Variants in BIN3 observed in about 807,000 individuals in gnomAD.
The protein encoded by BIN3 is bridging integrator 3.
A neutral mutation model predicts 38.2 loss-of-function variants in BIN3; 41 were observed. The observed-to-expected ratio is 1.07, with a 90% CI of 0.84 to 1.39. The LOEUF (loss-of-function observed/expected upper bound fraction) is 1.39. Among genes scored for constraint, BIN3 ranks in the 40% most tolerant of loss-of-function variants. The probability of loss-of-function intolerance (pLI) is 0.00; values close to 1 mark genes in which losing one functional copy is unlikely to be tolerated. For synonymous variants in BIN3, 145 were observed against 122.6 expected (o/e 1.18, Z -1.21); for missense variants, 361 against 324.3 (o/e 1.11, Z -0.87).
At chr8:22,622,017 CCTT>C (rs760736363) in intron 8 of BIN3, among the ~76,000 whole-genome samples, 3 of 152,254 alleles carry the variant, frequency 2.0e-5, no homozygotes, top group Non-Finnish European at 4.4e-5. Context: ...GCCCGTCTAG[CCTT>C]CTGTTCCCTC....
At chr8:22,649,842 C>T (rs952701689) in intron 1 of BIN3, among the ~76,000 whole-genome samples, 30 of 135,020 alleles carry the variant, frequency 2.2e-4, no homozygotes, top group East Asian at 1.4e-3. Flanking sequence ...CACACACACA[C>T]ACACACACAC....
rs771483503 is a variant in BIN3 at position 22,624,050 on chromosome 8, C to T, written c.481-1G>A. The T allele has an allele frequency of 3.1e-6, 5 of 1,604,700 alleles. No homozygotes were observed. In the South Asian group the frequency reaches 5.5e-5, roughly 18 times the overall value. Reference sequence around the variant, plus strand: ...GCACAGGCCGCAGCTCCTCTCGTGCCTAGGGAACAAGACCTGGGTGTCAAA... The same window carrying T: ...GCACAGGCCGCAGCTCCTCTCGTGCTTAGGGAACAAGACCTGGGTGTCAAA... On this transcript the variant is annotated splice_acceptor_variant, in intron 7 of 8. Coordinates refer to ENST00000276416, the MANE Select transcript of BIN3 (RefSeq NM_018688.6). LOFTEE classifies it high-confidence loss of function.
chr8:22,638,207 G>A (rs1802433556), intron 2 of BIN3, among the ~76,000 whole-genome samples: 2 of 152,204 alleles, frequency 1.3e-5, no homozygotes, highest in African/African-American at 4.8e-5. Flanking sequence ...TTCCAGCAAC[G>A]CTGACCTGAT....
intron 1 of BIN3, chr8:22,645,038 C>T (rs1802672507): frequency 4.2e-6 from 2 of 478,906 alleles, no homozygotes; most frequent in Non-Finnish European, 7.7e-6. Flanking sequence ...TGCCCCAGAA[C>T]ATCTTTGCTA....
At chr8:22,653,865 C>T (rs1449348018) in intron 1 of BIN3, among the ~76,000 whole-genome samples, 1 of 151,182 alleles carries the variant, frequency 6.6e-6, no homozygotes, top group African/African-American at 2.4e-5. Context: ...CCTTTGTGTC[C>T]CCTGGTACAG....
In BIN3 at chr8:22,624,272, TCTC is replaced by T. The variant is rs1344256478; in HGVS notation, c.427_429del (p.Glu143del). Reference sequence around the variant, plus strand: ...CCCGTCTTCTCCTTTTCCTCATACTTCTCCACCTTGGCCTGCAGCCTCCTGTAG... The same window carrying T: ...CCCGTCTTCTCCTTTTCCTCATACTTCACCTTGGCCTGCAGCCTCCTGTAG... On this transcript the variant is annotated inframe_deletion, in exon 7 of 9. Coordinates refer to ENST00000276416, the MANE Select transcript of BIN3 (RefSeq NM_018688.6). The T allele has an allele frequency of 4.3e-6, 7 of 1,613,822 alleles. No homozygotes were observed. Among genetic ancestry groups the T allele is most frequent in the Non-Finnish European group, 5.9e-6 (7 of 1,179,848 alleles).
intron 8 of BIN3, among the ~76,000 whole-genome samples, chr8:22,622,390 T>C (rs998033256): frequency 1.3e-5 from 2 of 152,220 alleles, no homozygotes; most frequent in African/African-American, 2.4e-5. Flanking sequence ...GACCCACGGC[T>C]GATACTCCTG....
intron 2 of BIN3, among the ~76,000 whole-genome samples, chr8:22,642,419 A>C (rs1046155069): frequency 1.3e-5 from 2 of 152,172 alleles, no homozygotes; most frequent in African/African-American, 4.8e-5. Flanking sequence ...GTGGAGGGGT[A>C]TAGGCCAGGG....
At chr8:22,643,587 C>A (rs756052890) in intron 2 of BIN3, among the ~76,000 whole-genome samples, 1 of 152,214 alleles carries the variant, frequency 6.6e-6, no homozygotes, top group African/African-American at 2.4e-5. Flanking sequence ...GGATTACAGG[C>A]GTAAGCCACT....
intron 8 of BIN3, among the ~76,000 whole-genome samples, chr8:22,623,632 A>G (rs1801913703): frequency 6.6e-6 from 1 of 152,190 alleles, no homozygotes. Flanking sequence ...CTTATAGTGA[A>G]ATGTAGAGAG....
At chr8:22,642,019 T>A (rs1403571454) in intron 2 of BIN3, among the ~76,000 whole-genome samples, 1 of 152,226 alleles carries the variant, frequency 6.6e-6, no homozygotes, top group Non-Finnish European at 1.5e-5. Context: ...CAAGCCATTC[T>A]AGCCAAAGCC....
At chr8:22,649,113 G>A (rs902060132) in intron 1 of BIN3, among the ~76,000 whole-genome samples, 1 of 152,166 alleles carries the variant, frequency 6.6e-6, no homozygotes, top group Non-Finnish European at 1.5e-5. Context: ...CAACTGCCAT[G>A]ATTCAGCCAA....
chr8:22,621,309 G>C lies in BIN3; in HGVS notation c.*113C>G, dbSNP rs530633458. ...GTCATTCATTGCAAAGGGCCGGCAA[G>C]TGAACCAGGGCCACCTCTGTCCCCA... is the stretch of plus-strand genomic sequence containing the variant. On this transcript the variant is annotated 3_prime_UTR_variant, in exon 9 of 9. Coordinates refer to ENST00000276416, the MANE Select transcript of BIN3 (RefSeq NM_018688.6). 2.9e-6 allele frequency: 4 copies of C among 1,392,174 alleles called. No homozygotes were observed. The East Asian group carries it at 1.0e-4, about 35-fold the overall frequency. The allele number at this position is 1,392,174 out of a possible 1,614,324, so 86.2% of individuals were successfully genotyped here.
Position 22,623,977 on chromosome 8 carries a change from G to T in BIN3, c.553C>A (p.Arg185Ser), listed in dbSNP as rs11550511. 1 of 1,612,472 alleles carries T rather than the reference G, an allele frequency of 6.2e-7. No homozygotes were observed. The highest frequency in any genetic ancestry group is 1.1e-5 in the South Asian group (1 of 90,954). ...KNRQLLEEMP[R>S]FYGSRLDYFQ... is the part of the protein sequence containing the mutation. ...TAGTCGAGGCGGCTGCCGTAGAAGCGCGGCATCTCCTCCAGCAGCTGCCTG... is the reference window on the plus strand; with the variant it reads ...TAGTCGAGGCGGCTGCCGTAGAAGCTCGGCATCTCCTCCAGCAGCTGCCTG... Residue 185 changes from arginine to serine, a missense_variant, in exon 8 of 9, where the codon CGC (arginine) becomes AGC (serine). Transcript: ENST00000276416.
chr8:22,659,577 T>C (rs1001600768), intron 1 of BIN3, among the ~76,000 whole-genome samples: 2 of 152,176 alleles, frequency 1.3e-5, no homozygotes, highest in Non-Finnish European at 2.9e-5. Context: ...GCATCTACTA[T>C]TGCCAGACTC....
In BIN3 at chr8:22,649,702, A is replaced by C. The variant is rs530777446; in HGVS notation, c.9-4899T>G. ...CATTTTTCTTTCAAATAAACCAAAA[A>C]CAAAAACAAAAACAAACAAACAAAA... is the stretch of plus-strand genomic sequence containing the variant. On this transcript the variant is annotated intron_variant, in intron 1 of 8. Transcript: ENST00000276416. 6.6e-4 allele frequency among the ~76,000 whole-genome samples: 101 copies of C among 152,024 alleles called. 1 individual carries two copies. The highest frequency in any genetic ancestry group is 3.1e-3 in the East Asian group (16 of 5,158).
chr8:22,630,392 C>G, intron 5 of BIN3, 50 bp downstream of exon 5: 1 of 1,606,786 alleles, frequency 6.2e-7, no homozygotes, highest in South Asian at 1.1e-5. Flanking sequence ...CCCAGAGGCC[C>G]AGACCGGGCA....
At chr8:22,642,315 C>A (rs1354259776) in intron 2 of BIN3, among the ~76,000 whole-genome samples, 1 of 142,748 alleles carries the variant, frequency 7.0e-6, no homozygotes, top group Non-Finnish European at 1.5e-5. Flanking sequence ...ACTGCACAGC[C>A]CAGGCCTGTT....
At chr8:22,657,971 G>C (rs1803108878) in intron 1 of BIN3, among the ~76,000 whole-genome samples, 1 of 152,194 alleles carries the variant, frequency 6.6e-6, no homozygotes, top group Non-Finnish European at 1.5e-5. Flanking sequence ...CTGGGCTTCG[G>C]GACTCTCCTC....
Sources: allele counts gnomAD v4.1 joint callset (sites outside exome capture counted in the v4.1 genomes callset), GRCh38; gene constraint gnomAD v4.1.1; transcripts MANE v1.5; gene names NCBI Gene and HGNC (gene_info 2026-07-23, HGNC 2026-07-21).